Variants in DYM observed in about 807,000 individuals in gnomAD.
DYM encodes dyggve-Melchior-Clausen syndrome protein.
Under a neutral mutation model 93.1 loss-of-function variants are expected in DYM, and 78 were observed. That is an observed-to-expected ratio of 0.84 (90% CI 0.70 to 1.01). DYM has a LOEUF of 1.01. Ranked by LOEUF, DYM falls within the 50% of genes least tolerant of loss-of-function variation. DYM has a pLI of 0.00. For missense variants in DYM, 789 were observed against 845.0 expected, an observed-to-expected ratio of 0.93 and a Z score of 0.82; for synonymous variants, 321 against 319.7, an observed-to-expected ratio of 1.00 and a Z score of -0.04.
intron 5 of DYM, among the ~76,000 whole-genome samples, chr18:49,371,225 T>G (rs1244517209): frequency 6.6e-6 from 1 of 152,090 alleles, no homozygotes; most frequent in African/African-American, 2.4e-5. Flanking sequence ...CAAGGCTAAG[T>G]GTGGTGGCTC....
At chr18:49,194,303 A>G (rs1206481166) in intron 14 of DYM, among the ~76,000 whole-genome samples, 2 of 152,164 alleles carry the variant, frequency 1.3e-5, no homozygotes, top group Non-Finnish European at 2.9e-5. Context: ...GTTATTTAGC[A>G]TGTCCATATT....
chr18:49,317,551 T>TTGTCTCTCTCTCTCTCTC lies in DYM; in HGVS notation c.763+14312_763+14313insGAGAGAGAGAGAGAGACA, dbSNP rs1555690209. Among the ~76,000 whole-genome samples the TTGTCTCTCTCTCTCTCTC allele has an allele frequency of 5.8e-4, 17 of 29,370 alleles. 3 individuals carry two copies. Among genetic ancestry groups the TTGTCTCTCTCTCTCTCTC allele is most frequent in the South Asian group, 4.8e-3 (3 of 620 alleles). The allele number at this position is 29,370 out of a possible 152,430, so 19.3% of individuals were successfully genotyped here. A position where few individuals can be genotyped will look rare whatever the true frequency, so the allele number is the denominator to read the frequency against. On this transcript the variant is annotated intron_variant, in intron 8 of 17. Transcript: ENST00000675505. ...TGCCCTAGTCCTTAGCCATCTAGAT[T>TTGTCTCTCTCTCTCTCTC]TCTCTCTCTCTCTCTCTCTCTCTCT... is the stretch of plus-strand genomic sequence containing the variant.
At chr18:49,260,064 A>G (rs187988411) in intron 11 of DYM, among the ~76,000 whole-genome samples, 2 of 152,308 alleles carry the variant, frequency 1.3e-5, no homozygotes, top group African/African-American at 2.4e-5. Flanking sequence ...AGAGACTGCT[A>G]TGAAAAGGGA....
chr18:49,300,607 A>C (rs1386663173), intron 8 of DYM, among the ~76,000 whole-genome samples: 2 of 152,190 alleles, frequency 1.3e-5, no homozygotes, highest in African/African-American at 4.8e-5. Context: ...TCTCCAAAAA[A>C]AAAAAGGTTT....
chr18:49,432,524 T>C (rs2080430005), intron 1 of DYM, among the ~76,000 whole-genome samples: 1 of 150,968 alleles, frequency 6.6e-6, no homozygotes, highest in Admixed American at 6.6e-5. Flanking sequence ...ATAGATATGG[T>C]ATGCTTTCAT....
rs2094020607 is a variant in DYM at position 49,241,894 on chromosome 18, C to A, written c.1460+15116G>T. ...ATTTGAGGCTTCTATAATAATTATG[C>A]TTCGACTGTCGTTAAGTTAATAATG... On this transcript the variant is annotated intron_variant, in intron 13 of 17. Transcript: ENST00000675505. Among the ~76,000 whole-genome samples, 10 of 152,326 alleles carry A rather than the reference C, an allele frequency of 6.6e-5. 1 individual carries two copies. In the South Asian group the frequency reaches 2.1e-3, roughly 32 times the overall value.
chr18:49,331,853 A>G lies in DYM; in HGVS notation c.763+11T>C, dbSNP rs749590331. The G allele has an allele frequency of 3.7e-6, 6 of 1,614,060 alleles. No individual in the cohort carries two copies. The highest frequency in any genetic ancestry group is 5.1e-6 in the Non-Finnish European group (6 of 1,179,962). On this transcript the variant is annotated intron_variant, in intron 8 of 17. Transcript: ENST00000675505. ...TGCACCAAAGAATTGAAAAAATCTG[A>G]TAAAACTTACTTGCTACTCCTGATG...
chr18:49,225,347 C>T (rs186289546), intron 13 of DYM, among the ~76,000 whole-genome samples: 83 of 152,208 alleles, frequency 5.5e-4, no homozygotes, highest in East Asian at 1.5e-3. Context: ...TCATTTCATT[C>T]CTTGGCAGCA....
intron 13 of DYM, among the ~76,000 whole-genome samples, chr18:49,241,444 CTTATAA>C (rs763206995): frequency 2.6e-5 from 4 of 152,140 alleles, no homozygotes; most frequent in Non-Finnish European, 4.4e-5. Flanking sequence ...GATGGCTAGA[CTTATAA>C]TTAAATAAGA....
intron 8 of DYM, among the ~76,000 whole-genome samples, chr18:49,324,049 C>A (rs926605627): frequency 7.3e-6 from 1 of 136,312 alleles, no homozygotes; most frequent in South Asian, 2.4e-4. Context: ...GCACGACAAT[C>A]GCTTGAGCCT....
At chr18:49,239,082 C>T (rs1447315619) in intron 13 of DYM, among the ~76,000 whole-genome samples, 1 of 152,210 alleles carries the variant, frequency 6.6e-6, no homozygotes, top group South Asian at 2.1e-4. Flanking sequence ...AGTGCAGCCA[C>T]ATGAACATGC....
chr18:49,098,439 T>C (rs907103148), intron 16 of DYM, among the ~76,000 whole-genome samples: 5 of 152,240 alleles, frequency 3.3e-5, no homozygotes, highest in Admixed American at 6.5e-5. Flanking sequence ...TTTTGTCTTA[T>C]CCATTCTAGT....
intron 13 of DYM, among the ~76,000 whole-genome samples, chr18:49,217,694 A>G (rs1394666791): frequency 6.6e-6 from 1 of 152,182 alleles, no homozygotes; most frequent in Non-Finnish European, 1.5e-5. Context: ...CTTTACAGAC[A>G]AGCAAATGCT....
At chr18:49,339,261 C>T (rs1241505167) in intron 6 of DYM, among the ~76,000 whole-genome samples, 1 of 152,166 alleles carries the variant, frequency 6.6e-6, no homozygotes, top group Non-Finnish European at 1.5e-5. Flanking sequence ...TGCGCACGTG[C>T]CAAAGAAAAA....
At chr18:49,402,416 A>AG (rs772770952) in intron 2 of DYM, among the ~76,000 whole-genome samples, 3 of 151,990 alleles carry the variant, frequency 2.0e-5, no homozygotes, top group South Asian at 2.1e-4. Context: ...TGAGATTTTT[A>AG]GGGGGGAAGA....
At chr18:49,399,374 A>C (rs1172258318) in intron 2 of DYM, among the ~76,000 whole-genome samples, 1 of 152,218 alleles carries the variant, frequency 6.6e-6, no homozygotes, top group Non-Finnish European at 1.5e-5. Flanking sequence ...AGGGGTGGTT[A>C]ATCAACACAG....
intron 3 of DYM, among the ~76,000 whole-genome samples, chr18:49,390,304 C>T (rs1320438277): frequency 6.6e-6 from 1 of 152,012 alleles, no homozygotes; most frequent in African/African-American, 2.4e-5. Flanking sequence ...GTGCCATGCA[C>T]CTATAGCCCC....
rs1568189068 is a variant in DYM at position 49,292,624 on chromosome 18, A to AAAAAAAAC, written c.764-6009_764-6008insGTTTTTTT. ...AAAAAAAAAAAAAAAAAAAAAAAAA[A>AAAAAAAAC]ACCCCCACAAAAACCTGTCCACCAG... On this transcript the variant is annotated intron_variant, in intron 8 of 17. Transcript: ENST00000675505. 1.2e-3 allele frequency among the ~76,000 whole-genome samples: 78 copies of AAAAAAAAC among 65,034 alleles called. 4 individuals carry two copies. Among genetic ancestry groups the AAAAAAAAC allele is most frequent in the South Asian group, 5.3e-3 (10 of 1,872 alleles). The allele number at this position is 65,034 out of a possible 152,430, so 42.7% of individuals were successfully genotyped here.
intron 13 of DYM, among the ~76,000 whole-genome samples, chr18:49,251,713 G>A (rs2094292052): frequency 6.6e-6 from 1 of 152,128 alleles, no homozygotes; most frequent in Non-Finnish European, 1.5e-5. Flanking sequence ...ATGGGAAACT[G>A]CTGCATAGAG....
Sources: allele counts gnomAD v4.1 joint callset (sites outside exome capture counted in the v4.1 genomes callset), GRCh38; gene constraint gnomAD v4.1.1; transcripts MANE v1.5; gene names NCBI Gene and HGNC (gene_info 2026-07-23, HGNC 2026-07-21).